The following NRXN1 variants were observed in gnomAD, a reference collection of about 807,000 sequenced individuals.
NRXN1 encodes the protein neurexin-1.
In NRXN1, 39 loss-of-function variants were observed where a neutral mutation model predicts 150.9. That is an observed-to-expected ratio of 0.26 (90% CI 0.20 to 0.34). NRXN1 has a LOEUF of 0.34. Ranked by LOEUF, NRXN1 falls within the 10% of genes least tolerant of loss-of-function variation. The pLI is 1.00. For missense variants in NRXN1, 1,815 were observed against 1,949.9 expected (o/e 0.93, Z 1.30); for synonymous variants, 924 against 757.0 (o/e 1.22, Z -3.62).
chr2:49,957,539 T>TATAAACAGAGAATAAATATA (rs1675197260), intron 21 of NRXN1, among the ~76,000 whole-genome samples: 3 of 152,178 alleles, frequency 2.0e-5, no homozygotes, highest in Non-Finnish European at 4.4e-5. Context: ...CATCCATGTT[T>TATAAACAGAGAATAAATATA]AAATATTCTA....
At chr2:50,026,396 A>T (rs1275810665) in intron 21 of NRXN1, among the ~76,000 whole-genome samples, 1 of 152,210 alleles carries the variant, frequency 6.6e-6, no homozygotes, top group African/African-American at 2.4e-5. Flanking sequence ...TCTATTTTTC[A>T]ACACCAAATG....
intron 5 of NRXN1, chr2:50,696,175 CGTGTGTGT>C (rs200473527): frequency 0.11 from 16,055 of 146,382 alleles, 946 homozygotes; most frequent in Non-Finnish European, 0.13. Flanking sequence ...AGTACATATA[CGTGTGTGT>C]GTGTGTGTGT....
rs555187885 is a variant in NRXN1, at chr2:50,643,678, T to C, written c.833-20063A>G. 2.6e-5 allele frequency among the ~76,000 whole-genome samples: 4 copies of C among 152,054 alleles called. No individual in the cohort carries two copies. In the East Asian group the frequency reaches 7.7e-4, roughly 29 times the overall value. ...TTGTATCCTTTATGTAATTATTAAATATCATATATAACAGATAAAAAACTC... is the reference window on the plus strand; with the variant it reads ...TTGTATCCTTTATGTAATTATTAAACATCATATATAACAGATAAAAAACTC... On this transcript the variant is annotated intron_variant, in intron 5 of 22. Transcript: ENST00000401669.
chr2:50,588,432 T>C (rs1673529750), intron 8 of NRXN1, among the ~76,000 whole-genome samples: 1 of 152,242 alleles, frequency 6.6e-6, no homozygotes, highest in East Asian at 1.9e-4. Flanking sequence ...GTAGAACATA[T>C]ACAGTGTGTA....
chr2:50,979,960 T>C (rs952119430), intron 2 of NRXN1, among the ~76,000 whole-genome samples: 3 of 152,128 alleles, frequency 2.0e-5, no homozygotes. Flanking sequence ...GTTTGTTCTC[T>C]ATAAATAATA....
At chr2:50,072,728 A>C (rs547371868) in intron 19 of NRXN1, among the ~76,000 whole-genome samples, 1 of 152,152 alleles carries the variant, frequency 6.6e-6, no homozygotes, top group African/African-American at 2.4e-5. Flanking sequence ...AAGAATGCCA[A>C]TTCCAAGCCC....
rs562109614 is a variant in NRXN1, at chr2:50,595,563, C to T, written c.1320+24459G>A. Among the ~76,000 whole-genome samples, 5 of 152,200 alleles carry T rather than the reference C, an allele frequency of 3.3e-5. No homozygotes were observed. The South Asian group carries it at 8.3e-4, about 25-fold the overall frequency. On this transcript the variant is annotated intron_variant, in intron 8 of 22. Coordinates refer to ENST00000401669, the MANE Select transcript of NRXN1 (RefSeq NM_001330078.2). ...AGCATTGCAAAGATGCCACGGTCAG[C>T]ATTTGAGGCTATGAGTGTGGCAAGT...
intron 17 of NRXN1, among the ~76,000 whole-genome samples, chr2:50,286,371 GAGATCA>G (rs766268928): frequency 1.3e-5 from 2 of 152,098 alleles, no homozygotes; most frequent in Admixed American, 6.5e-5. Flanking sequence ...ACATATGAGT[GAGATCA>G]TGTAGTATTC....
At chr2:50,331,332 A>AT (rs2076822270) in intron 17 of NRXN1, among the ~76,000 whole-genome samples, 1 of 152,180 alleles carries the variant, frequency 6.6e-6, no homozygotes, top group Admixed American at 6.5e-5. Flanking sequence ...GACTAAAATA[A>AT]TCTTTTCAAA....
intron 18 of NRXN1, among the ~76,000 whole-genome samples, chr2:50,228,138 A>T (rs1366562144): frequency 6.6e-6 from 1 of 152,090 alleles, no homozygotes; most frequent in Admixed American, 6.6e-5. Flanking sequence ...GGATTTGAAA[A>T]GCTTATTATG....
At chr2:50,219,105 G>T (rs1159245262) in intron 18 of NRXN1, among the ~76,000 whole-genome samples, 1 of 151,892 alleles carries the variant, frequency 6.6e-6, no homozygotes, top group African/African-American at 2.4e-5. Context: ...TTAAGTTAGG[G>T]TGACCTGTTT....
chr2:50,411,551 G>A (rs1352761666), intron 17 of NRXN1, among the ~76,000 whole-genome samples: 3 of 151,736 alleles, frequency 2.0e-5, no homozygotes, highest in Non-Finnish European at 4.4e-5. Flanking sequence ...GAGCGCCTCT[G>A]CCCGGCTGCG....
At chr2:50,104,346 C>G (rs1243090410) in intron 18 of NRXN1, among the ~76,000 whole-genome samples, 1 of 151,938 alleles carries the variant, frequency 6.6e-6, no homozygotes, top group Non-Finnish European at 1.5e-5. Flanking sequence ...TATACACTTC[C>G]CCTGCCAAAC....
intron 21 of NRXN1, among the ~76,000 whole-genome samples, chr2:49,956,133 A>G (rs1390068546): frequency 6.6e-6 from 1 of 152,162 alleles, no homozygotes; most frequent in African/African-American, 2.4e-5. Context: ...GTAAGAGACA[A>G]ATATCTGGCC....
At chr2:49,988,029 G>A (rs1320957663) in intron 21 of NRXN1, among the ~76,000 whole-genome samples, 1 of 152,002 alleles carries the variant, frequency 6.6e-6, no homozygotes, top group Non-Finnish European at 1.5e-5. Flanking sequence ...ACTTTTATGT[G>A]TTCTACTGCC....
chr2:50,075,686 T>A (rs1696977512), intron 19 of NRXN1, among the ~76,000 whole-genome samples: 3 of 152,346 alleles, frequency 2.0e-5, no homozygotes, highest in African/African-American at 7.2e-5. Flanking sequence ...ATAATTTTTA[T>A]GATCTTCTAA....
intron 21 of NRXN1, among the ~76,000 whole-genome samples, chr2:50,016,226 G>C (rs1686565629): frequency 6.6e-6 from 1 of 152,082 alleles, no homozygotes; most frequent in Non-Finnish European, 1.5e-5. Flanking sequence ...AAGATAAAAT[G>C]TATGAGTCTC....
chr2:50,236,524 C>G (rs1453505664), intron 18 of NRXN1, among the ~76,000 whole-genome samples: 4 of 142,232 alleles, frequency 2.8e-5, no homozygotes, highest in Non-Finnish European at 6.1e-5. Context: ...AAAATCACTC[C>G]AAAATTTTTT....
intron 16 of NRXN1, among the ~76,000 whole-genome samples, chr2:50,471,444 T>C (rs532558681): frequency 2.1e-4 from 32 of 151,998 alleles, no homozygotes; most frequent in African/African-American, 7.7e-4. Context: ...TTTTGTTCTT[T>C]CTATGGCTAA....
Sources: gnomAD v4.1 joint callset for allele counts (sites outside exome capture counted in the v4.1 genomes callset) on GRCh38, gnomAD v4.1.1 for gene constraint, MANE v1.5 for transcripts, NCBI Gene and HGNC (gene_info 2026-07-23, HGNC 2026-07-21) for gene names.